The following SPATA17 variants were observed in gnomAD, a reference collection of about 807,000 sequenced individuals.
SPATA17 encodes the protein spermatogenesis-associated protein 17.
Under a neutral mutation model 62.2 loss-of-function variants are expected in SPATA17, and 53 were observed. The observed-to-expected ratio is 0.85, with a 90% CI of 0.68 to 1.07. SPATA17 has a LOEUF of 1.07. Ranked by LOEUF, SPATA17 falls within the 50% of genes least tolerant of loss-of-function variation. The pLI is 0.00. For missense variants in SPATA17, 466 were observed against 425.5 expected (o/e 1.10, Z -0.84); for synonymous variants, 146 against 146.8 (o/e 0.99, Z 0.04).
At chr1:217,708,417 A>G (rs977511986) in intron 5 of SPATA17, among the ~76,000 whole-genome samples, 1 of 152,204 alleles carries the variant, frequency 6.6e-6, no homozygotes, top group Middle Eastern at 3.2e-3. Context: ...AGAGACTACT[A>G]TGAATACCTC....
chr1:217,671,456 G>A (rs775276389), intron 4 of SPATA17, among the ~76,000 whole-genome samples: 4 of 151,970 alleles, frequency 2.6e-5, no homozygotes, highest in Non-Finnish European at 5.9e-5. Context: ...TATAAATTTC[G>A]TGGTCAAAGT....
chr1:217,643,828 A>G (rs1670125476), intron 1 of SPATA17, among the ~76,000 whole-genome samples: 1 of 151,850 alleles, frequency 6.6e-6, no homozygotes, highest in Non-Finnish European at 1.5e-5. Flanking sequence ...TCCCAGGTTC[A>G]AGCAATTCTC....
chr1:217,871,106 G>T lies in SPATA17; in HGVS notation c.*4087G>T, dbSNP rs1345825673. On this transcript the variant is annotated 3_prime_UTR_variant, in exon 11 of 11. Coordinates refer to ENST00000366933, the MANE Select transcript of SPATA17 (RefSeq NM_138796.4). ...CTAGATTGTGATGTACACTAAGTGG[G>T]TTGATCCTGAGATCAAGCTATGATT... 1 of 151,938 alleles carries T rather than the reference G, an allele frequency of 6.6e-6. No homozygotes were observed. The allele number at this position is 151,938 out of a possible 1,614,324, so 9.4% of individuals were successfully genotyped here.
rs1012321268 is a variant in SPATA17, at chr1:217,869,547, C to T, written c.*2528C>T. 4 of 152,052 alleles carry T rather than the reference C, an allele frequency of 2.6e-5. No homozygotes were observed. The highest frequency in any genetic ancestry group is 9.7e-5 in the African/African-American group (4 of 41,390). The allele number at this position is 152,052 out of a possible 1,614,324, so 9.4% of individuals were successfully genotyped here. Reference sequence around the variant, plus strand: ...TTCGCAGGGCCATTGCAAAATATGTCAAAAATATATATTTTAGGGTAAAAT... The same window carrying T: ...TTCGCAGGGCCATTGCAAAATATGTTAAAAATATATATTTTAGGGTAAAAT... On this transcript the variant is annotated 3_prime_UTR_variant, in exon 11 of 11. Coordinates refer to ENST00000366933, the MANE Select transcript of SPATA17 (RefSeq NM_138796.4).
chr1:217,852,298 G>T (rs1675685501), intron 9 of SPATA17, among the ~76,000 whole-genome samples: 1 of 152,152 alleles, frequency 6.6e-6, no homozygotes, highest in Non-Finnish European at 1.5e-5. Flanking sequence ...ATCAATGAAA[G>T]AAATAGGTAA....
At chr1:217,749,382 C>G (rs1233170867) in intron 6 of SPATA17, among the ~76,000 whole-genome samples, 2 of 152,068 alleles carry the variant, frequency 1.3e-5, no homozygotes, top group African/African-American at 4.8e-5. Context: ...CATTTATGAT[C>G]TTTGTGGTTT....
intron 3 of SPATA17, among the ~76,000 whole-genome samples, chr1:217,655,880 C>T (rs562445022): frequency 6.6e-6 from 1 of 152,144 alleles, no homozygotes; most frequent in Admixed American, 6.5e-5. Context: ...GTAATGAGCA[C>T]CTTTAGTCCC....
At chr1:217,657,089 A>C (rs1670462134) in intron 3 of SPATA17, among the ~76,000 whole-genome samples, 1 of 152,172 alleles carries the variant, frequency 6.6e-6, no homozygotes, top group African/African-American at 2.4e-5. Context: ...TGAACCTTCC[A>C]AATTAATCCT....
intron 6 of SPATA17, among the ~76,000 whole-genome samples, chr1:217,761,572 T>G (rs1378017323): frequency 6.6e-6 from 1 of 152,094 alleles, no homozygotes; most frequent in East Asian, 1.9e-4. Context: ...CAGGAATCAG[T>G]CTTGAGAGGT....
At chr1:217,720,640 A>T (rs1672104181) in intron 5 of SPATA17, among the ~76,000 whole-genome samples, 1 of 152,008 alleles carries the variant, frequency 6.6e-6, no homozygotes, top group South Asian at 2.1e-4. Context: ...ATAAATAAAC[A>T]TTTTTTTTAA....
intron 8 of SPATA17, among the ~76,000 whole-genome samples, chr1:217,790,444 T>C (rs1206999366): frequency 6.6e-6 from 1 of 152,074 alleles, no homozygotes; most frequent in Admixed American, 6.5e-5. Flanking sequence ...AATTACTCAC[T>C]TTTATTTTTT....
chr1:217,689,204 G>A (rs1473452825), intron 5 of SPATA17, among the ~76,000 whole-genome samples: 3 of 143,618 alleles, frequency 2.1e-5, no homozygotes, highest in Non-Finnish European at 3.0e-5. Context: ...TCACAAATCA[G>A]ATAGCATTTA....
At chr1:217,633,457 A>G (rs564365813) in intron 1 of SPATA17, among the ~76,000 whole-genome samples, 1 of 151,610 alleles carries the variant, frequency 6.6e-6, no homozygotes, top group South Asian at 2.1e-4. Context: ...CAAACAAACA[A>G]TTAATTGGCC....
chr1:217,813,811 T>A (rs769318617), intron 9 of SPATA17, among the ~76,000 whole-genome samples: 5 of 152,062 alleles, frequency 3.3e-5, no homozygotes, highest in South Asian at 2.1e-4. Flanking sequence ...CATTTGTATA[T>A]GCATATATTT....
intron 5 of SPATA17, among the ~76,000 whole-genome samples, chr1:217,705,301 T>G (rs1424608194): frequency 1.4e-5 from 2 of 141,082 alleles, no homozygotes; most frequent in African/African-American, 4.9e-5. Context: ...ATTCTGGATA[T>G]TAGAACTTTG....
At chr1:217,834,013 A>C (rs1675203839) in intron 9 of SPATA17, among the ~76,000 whole-genome samples, 1 of 152,156 alleles carries the variant, frequency 6.6e-6, no homozygotes, top group Non-Finnish European at 1.5e-5. Context: ...GCAGAAGCTA[A>C]AGTTAAGAAA....
intron 5 of SPATA17, among the ~76,000 whole-genome samples, chr1:217,734,717 G>A (rs560513511): frequency 1.3e-5 from 2 of 152,254 alleles, no homozygotes; most frequent in Admixed American, 6.5e-5. Context: ...AGGAATTTGT[G>A]TTTTTAACGC....
At chr1:217,776,923 G>A (rs530985559) in intron 7 of SPATA17, among the ~76,000 whole-genome samples, 2 of 152,052 alleles carry the variant, frequency 1.3e-5, no homozygotes, top group Non-Finnish European at 2.9e-5. Context: ...CAAAACAGAA[G>A]CCACAGGCTT....
Position 217,870,005 on chromosome 1 carries a change from T to G in SPATA17, c.*2986T>G, listed in dbSNP as rs947946523. The G allele has an allele frequency of 1.3e-5, 2 of 152,218 alleles. No homozygotes were observed. The highest frequency in any genetic ancestry group is 1.5e-5 in the Non-Finnish European group (1 of 68,034). The allele number at this position is 152,218 out of a possible 1,614,324, so 9.4% of individuals were successfully genotyped here. On this transcript the variant is annotated 3_prime_UTR_variant, in exon 11 of 11. Coordinates refer to ENST00000366933, the MANE Select transcript of SPATA17 (RefSeq NM_138796.4). The stretch of plus-strand genomic sequence containing the variant: ...AAGACTTGGTTATTGTTAAAGCTGA[T>G]GATTGGCTGTATGAAGATTTACTAT...
Sources: allele counts gnomAD v4.1 joint callset (sites outside exome capture counted in the v4.1 genomes callset), GRCh38; gene constraint gnomAD v4.1.1; transcripts MANE v1.5; gene names NCBI Gene and HGNC (gene_info 2026-07-23, HGNC 2026-07-21).